Variants in FAXC observed in about 807,000 individuals in gnomAD.
FAXC encodes the protein failed axon connections homolog, metaxin like GST domain containing.
FAXC carries 10 observed loss-of-function variants against 41.9 expected under a neutral mutation model. That is an observed-to-expected ratio of 0.24 (90% CI 0.15 to 0.41). The LOEUF is 0.41. FAXC is among the 10% of genes least tolerant of loss of function. The pLI is 1.00. For missense variants in FAXC, 399 were observed against 510.9 expected, an observed-to-expected ratio of 0.78 and a Z score of 2.11; for synonymous variants, 183 against 183.8, an observed-to-expected ratio of 1.00 and a Z score of 0.03.
At chr6:99,301,344 T>A (rs1010092145) in intron 4 of FAXC, among the ~76,000 whole-genome samples, 4 of 152,242 alleles carry the variant, frequency 2.6e-5, no homozygotes, top group African/African-American at 7.2e-5. Flanking sequence ...ACCACGTTAC[T>A]CCTCTACCGA....
chr6:99,318,653 CTATT>C (rs1353140781), intron 4 of FAXC, among the ~76,000 whole-genome samples: 1 of 152,166 alleles, frequency 6.6e-6, no homozygotes, highest in Non-Finnish European at 1.5e-5. Flanking sequence ...ATGAGAATAA[CTATT>C]TATTTAGCAC....
At chr6:99,334,166 CTG>C (rs772982991) in intron 2 of FAXC, among the ~76,000 whole-genome samples, 28 of 152,194 alleles carry the variant, frequency 1.8e-4, no homozygotes, top group Non-Finnish European at 3.1e-4. Context: ...TGCCCAGAAT[CTG>C]TGTTTTTGAC....
chr6:99,340,140 C>T (rs920609023), intron 2 of FAXC, among the ~76,000 whole-genome samples: 4 of 152,082 alleles, frequency 2.6e-5, no homozygotes, highest in African/African-American at 9.7e-5. Context: ...CACTCTGTCT[C>T]CCAGACTAGA....
chr6:99,302,522 G>A (rs897993374), intron 4 of FAXC, among the ~76,000 whole-genome samples: 6 of 152,238 alleles, frequency 3.9e-5, no homozygotes, highest in African/African-American at 1.2e-4. Flanking sequence ...TGGGCGTGGT[G>A]GCGCATGCCT....
Position 99,349,409 on chromosome 6 carries a change from C to G in FAXC, c.-37G>C. The G allele has an allele frequency of 3.3e-6, 5 of 1,520,748 alleles. No homozygotes were observed. The highest frequency in any genetic ancestry group is 4.4e-6 in the Non-Finnish European group (5 of 1,138,404). 94.2% of individuals were successfully genotyped at this position (1,520,748 alleles called of 1,614,324 possible). A position where few individuals can be genotyped will look rare whatever the true frequency, so the allele number is the denominator to read the frequency against. On this transcript the variant is annotated 5_prime_UTR_variant, in exon 1 of 6. Transcript: ENST00000389677. ...GGCTCCGGGCGCCCCTCCCAGGGCC[C>G]GCGCCGCCCGCATGGGAAGGGGCCG...
At chr6:99,343,778 C>G (rs1773501723) in intron 1 of FAXC, among the ~76,000 whole-genome samples, 5 of 152,128 alleles carry the variant, frequency 3.3e-5, no homozygotes, top group Admixed American at 3.3e-4. Context: ...CTCACCTAAC[C>G]CTTCTTTCAC....
At chr6:99,319,300 G>C (rs900679422) in intron 4 of FAXC, among the ~76,000 whole-genome samples, 8 of 151,162 alleles carry the variant, frequency 5.3e-5, no homozygotes, top group Non-Finnish European at 8.8e-5. Context: ...TTACGAGGGT[G>C]AGACAGGAGA....
chr6:99,341,689 A>G (rs1773433028), intron 2 of FAXC, among the ~76,000 whole-genome samples: 1 of 152,218 alleles, frequency 6.6e-6, no homozygotes, highest in Non-Finnish European at 1.5e-5. Context: ...CTCCTTTCAG[A>G]CAAAAAAATA....
intron 3 of FAXC, among the ~76,000 whole-genome samples, chr6:99,328,157 C>T (rs1772887207): frequency 6.6e-6 from 1 of 152,186 alleles, no homozygotes; most frequent in Non-Finnish European, 1.5e-5. Flanking sequence ...TCCCATGCAC[C>T]CCATGCACAA....
intron 3 of FAXC, among the ~76,000 whole-genome samples, chr6:99,331,076 T>G (rs1377676387): frequency 6.6e-6 from 1 of 152,254 alleles, no homozygotes; most frequent in East Asian, 1.9e-4. Flanking sequence ...TACTAGGGAC[T>G]AAATAGAACT....
intron 3 of FAXC, among the ~76,000 whole-genome samples, chr6:99,332,516 C>CATTA (rs1773061268): frequency 6.6e-6 from 1 of 152,128 alleles, no homozygotes; most frequent in Admixed American, 6.5e-5. Context: ...AAACCATAGA[C>CATTA]TAATGAGTTT....
chr6:99,309,098 G>T lies in FAXC; in HGVS notation c.823+14346C>A, dbSNP rs1299673593. Among the ~76,000 whole-genome samples the T allele has an allele frequency of 2.0e-5, 3 of 152,170 alleles. No individual in the cohort carries two copies. In the East Asian group the frequency reaches 5.8e-4, roughly 29 times the overall value. On this transcript the variant is annotated intron_variant, in intron 4 of 5. Coordinates refer to ENST00000389677, the MANE Select transcript of FAXC (RefSeq NM_032511.4). ...ACTTACGGGTGGGGATGAAAGGGAAGTGCTGAGCCTTCCCATTCTATATTC... is the reference window on the plus strand; with the variant it reads ...ACTTACGGGTGGGGATGAAAGGGAATTGCTGAGCCTTCCCATTCTATATTC...
chr6:99,291,323 C>G (rs986447296), intron 5 of FAXC, among the ~76,000 whole-genome samples: 1 of 152,198 alleles, frequency 6.6e-6, no homozygotes, highest in African/African-American at 2.4e-5. Context: ...AAGTGGGGAG[C>G]CCCCATTGCC....
At chr6:99,331,045 C>T (rs766636233) in intron 3 of FAXC, among the ~76,000 whole-genome samples, 3 of 152,158 alleles carry the variant, frequency 2.0e-5, no homozygotes, top group Non-Finnish European at 4.4e-5. Context: ...CCTTAAGAAA[C>T]AGATTTGTTT....
chr6:99,343,542 T>A (rs552825140), intron 1 of FAXC, among the ~76,000 whole-genome samples: 4 of 152,326 alleles, frequency 2.6e-5, no homozygotes, highest in East Asian at 1.9e-4. Flanking sequence ...ATGAGGAAAT[T>A]AAGGCACAGA....
intron 4 of FAXC, among the ~76,000 whole-genome samples, chr6:99,295,248 G>T (rs1771437561): frequency 6.6e-6 from 1 of 152,198 alleles, no homozygotes; most frequent in Non-Finnish European, 1.5e-5. Flanking sequence ...AGTTATGAAT[G>T]TAAAGAATAT....
At chr6:99,303,507 T>G (rs931973623) in intron 4 of FAXC, among the ~76,000 whole-genome samples, 7 of 152,210 alleles carry the variant, frequency 4.6e-5, no homozygotes, top group Admixed American at 1.3e-4. Context: ...CATGAAGAAG[T>G]ATTCTGGCCT....
chr6:99,335,299 A>G (rs893321551), intron 2 of FAXC, among the ~76,000 whole-genome samples: 13 of 152,246 alleles, frequency 8.5e-5, no homozygotes, highest in African/African-American at 1.7e-4. Flanking sequence ...AGAATAAATC[A>G]TAAGTGTTAG....
chr6:99,325,950 C>T (rs1582670437), intron 3 of FAXC, among the ~76,000 whole-genome samples: 1 of 152,302 alleles, frequency 6.6e-6, no homozygotes, highest in African/African-American at 2.4e-5. Flanking sequence ...TGATCGAGCT[C>T]ACCGGGCAGA....
Sources: gnomAD v4.1 joint callset for allele counts (sites outside exome capture counted in the v4.1 genomes callset) on GRCh38, gnomAD v4.1.1 for gene constraint, MANE v1.5 for transcripts, NCBI Gene and HGNC (gene_info 2026-07-23, HGNC 2026-07-21) for gene names.